The following KLHL29 variants were observed in gnomAD, a reference collection of about 807,000 sequenced individuals.
KLHL29 encodes the protein kelch like family member 29.
Under a neutral mutation model 80.4 loss-of-function variants are expected in KLHL29, and 21 were observed. The observed-to-expected ratio is 0.26, with a 90% CI of 0.19 to 0.38. The LOEUF (loss-of-function observed/expected upper bound fraction) is 0.38, where lower values mean the gene tolerates loss of function less well. Among genes scored for constraint, KLHL29 ranks in the 10% least tolerant of loss-of-function variants. The pLI, the probability that KLHL29 is intolerant of heterozygous loss-of-function variation, is 1.00. For synonymous variants in KLHL29, 511 were observed against 526.8 expected, an observed-to-expected ratio of 0.97 and a Z score of 0.41; for missense variants, 867 against 1,223.9, an observed-to-expected ratio of 0.71 and a Z score of 4.35.
In KLHL29 at chr2:23,696,981, C is replaced by T. The variant is rs1672000989; in HGVS notation, c.2105+468C>T. The T allele has an allele frequency of 6.2e-6, 1 of 162,204 alleles. No homozygotes were observed. The highest frequency in any genetic ancestry group is 1.7e-4 in the South Asian group (1 of 5,964). 10.0% of individuals were successfully genotyped at this position (162,204 alleles called of 1,614,324 possible). ...TTGTCCTGCCAAGCGGGGGGTCCCA[C>T]ACCAGGGAGCTCCCTTCCTCCCTCC... On this transcript the variant is annotated intron_variant, in intron 11 of 13. Transcript: ENST00000486442. The surrounding 1 kb of genome is among the most constrained non-coding windows in gnomAD (Gnocchi z 5.5).
At position 23,684,748 on chromosome 2, in the gene KLHL29, ACAGCTTTGCTGTCAC is replaced by A. The variant is rs199517066; in HGVS notation, c.1079+223_1079+237del. ...CTGCGCCCAGCACCCGCCCCCACCCACAGCTTTGCTGTCACCAGCTTTGCTGGTCACCAGGGGCCT... is the reference window on the plus strand; with the variant it reads ...CTGCGCCCAGCACCCGCCCCCACCCACAGCTTTGCTGGTCACCAGGGGCCT... On this transcript the variant is annotated intron_variant, in intron 6 of 13. Transcript: ENST00000486442. This position sits in a 1 kb window ranked among gnomAD's most constrained non-coding sequence, Gnocchi z 4.4. Among the ~76,000 whole-genome samples the A allele has an allele frequency of 0.025, 3,791 of 151,622 alleles. 94 individuals carry two copies. Among genetic ancestry groups the A allele is most frequent in the African/African-American group, 0.056 (2,297 of 41,246 alleles).
At chr2:23,659,130 C>G (rs1324577551) in intron 5 of KLHL29, among the ~76,000 whole-genome samples, 1 of 152,128 alleles carries the variant, frequency 6.6e-6, no homozygotes, top group East Asian at 1.9e-4. Flanking sequence ...TTTTCTAGGA[C>G]CCTTGCTGCC....
chr2:23,528,613 T>C (rs982738412), intron 2 of KLHL29, among the ~76,000 whole-genome samples: 1 of 152,196 alleles, frequency 6.6e-6, no homozygotes, highest in Non-Finnish European at 1.5e-5. Context: ...AAATTACAAT[T>C]GCTCCAAGTC....
Position 23,596,527 on chromosome 2 carries a change from G to A in KLHL29, c.285+34046G>A, listed in dbSNP as rs982775822. Among the ~76,000 whole-genome samples the A allele has an allele frequency of 6.6e-6, 1 of 152,180 alleles. No individual in the cohort carries two copies. The highest frequency in any genetic ancestry group is 1.5e-5 in the Non-Finnish European group (1 of 68,036). ...ATGCCACACTGTCCTTGCACACAAC[G>A]TGGCTTAAGTCTAAACAGAAAATAG... On this transcript the variant is annotated intron_variant, in intron 3 of 13. Coordinates refer to ENST00000486442, the MANE Select transcript of KLHL29 (RefSeq NM_052920.2). This position sits in a 1 kb window ranked among gnomAD's most constrained non-coding sequence, Gnocchi z 4.4.
intron 3 of KLHL29, among the ~76,000 whole-genome samples, chr2:23,634,517 G>A (rs1669557329): frequency 6.6e-6 from 1 of 152,134 alleles, no homozygotes; most frequent in Admixed American, 6.5e-5. Flanking sequence ...ACCCTCTTCT[G>A]ACATCCTTGG....
chr2:23,579,738 G>A (rs1201266660), intron 3 of KLHL29, among the ~76,000 whole-genome samples: 1 of 152,082 alleles, frequency 6.6e-6, no homozygotes, highest in Non-Finnish European at 1.5e-5. Flanking sequence ...TACTTGCCCT[G>A]AAGGAAAAGT....
At chr2:23,483,732 G>A (rs1664858319) in intron 2 of KLHL29, among the ~76,000 whole-genome samples, 1 of 152,130 alleles carries the variant, frequency 6.6e-6, no homozygotes, top group African/African-American at 2.4e-5. Context: ...GCCATTTATT[G>A]TACCAAGGAG....
chr2:23,509,322 G>A (rs1386328318), intron 2 of KLHL29, among the ~76,000 whole-genome samples: 3 of 152,222 alleles, frequency 2.0e-5, no homozygotes, highest in Non-Finnish European at 4.4e-5. Flanking sequence ...TGGGTGGGGT[G>A]ATGGGGCTGG....
intron 1 of KLHL29, among the ~76,000 whole-genome samples, chr2:23,447,382 A>G (rs879775779): frequency 6.6e-6 from 1 of 151,998 alleles, no homozygotes; most frequent in Non-Finnish European, 1.5e-5. Context: ...TTAGGCCCCC[A>G]TTTGCTTCAG....
chr2:23,604,766 C>T (rs1048168253), intron 3 of KLHL29, among the ~76,000 whole-genome samples: 2 of 152,222 alleles, frequency 1.3e-5, no homozygotes, highest in East Asian at 1.9e-4. Flanking sequence ...GACCCCTTCC[C>T]TGGAGGTGGT....
intron 3 of KLHL29, among the ~76,000 whole-genome samples, chr2:23,636,741 C>A (rs1267329966): frequency 2.0e-5 from 3 of 152,182 alleles, no homozygotes; most frequent in Non-Finnish European, 4.4e-5. Flanking sequence ...GCTTTGAAGC[C>A]AAGGGGCTGA....
intron 3 of KLHL29, among the ~76,000 whole-genome samples, chr2:23,628,788 C>T (rs1258142520): frequency 3.3e-5 from 5 of 152,248 alleles, no homozygotes; most frequent in Non-Finnish European, 2.9e-5. Flanking sequence ...TTTTCCTCAC[C>T]AGCTTCACTA....
chr2:23,412,129 G>A lies in KLHL29; in HGVS notation c.-154+26349G>A, dbSNP rs980473081. ...AAAAATGTGTGTGCGTGAAGGGGGG[G>A]GGGGGGCGGTGCGGTAGAGGTAGGA... On this transcript the variant is annotated intron_variant, in intron 1 of 13. Coordinates refer to ENST00000486442, the MANE Select transcript of KLHL29 (RefSeq NM_052920.2). 1.1e-4 allele frequency among the ~76,000 whole-genome samples: 16 copies of A among 146,316 alleles called. 1 individual carries two copies. The highest frequency in any genetic ancestry group is 4.0e-4 in the African/African-American group (16 of 39,604).
chr2:23,623,350 A>G (rs1669232157), intron 3 of KLHL29, among the ~76,000 whole-genome samples: 1 of 152,130 alleles, frequency 6.6e-6, no homozygotes, highest in African/African-American at 2.4e-5. Flanking sequence ...TGGCAGGAGG[A>G]CAGTCCGCTG....
intron 1 of KLHL29, among the ~76,000 whole-genome samples, chr2:23,395,668 C>G (rs1038950252): frequency 7.9e-5 from 12 of 151,842 alleles, no homozygotes; most frequent in African/African-American, 2.9e-4. Context: ...TCGCTTGAAC[C>G]AGGGAGGCAG....
At chr2:23,528,533 A>T (rs1249314381) in intron 2 of KLHL29, among the ~76,000 whole-genome samples, 1 of 152,188 alleles carries the variant, frequency 6.6e-6, no homozygotes, top group African/African-American at 2.4e-5. Flanking sequence ...GCTCCCTTGC[A>T]TGGACCCTGA....
At chr2:23,641,596 T>G (rs1194773987) in intron 4 of KLHL29, among the ~76,000 whole-genome samples, 1 of 152,224 alleles carries the variant, frequency 6.6e-6, no homozygotes, top group Non-Finnish European at 1.5e-5. Context: ...TTTGTTTTGT[T>G]TTGTTTCCAA....
At chr2:23,507,266 G>A in intron 2 of KLHL29, 1 of 213,842 alleles carries the variant, frequency 4.7e-6, no homozygotes. Context: ...TAAATAGCAG[G>A]GACTTGCAGA....
At chr2:23,588,225 A>G (rs1668166628) in intron 3 of KLHL29, among the ~76,000 whole-genome samples, 2 of 152,120 alleles carry the variant, frequency 1.3e-5, no homozygotes, top group Admixed American at 1.3e-4. Context: ...GAAGCTGAAC[A>G]TCGAGTGGGC....
Sources: allele counts gnomAD v4.1 joint callset (sites outside exome capture counted in the v4.1 genomes callset), GRCh38; gene constraint gnomAD v4.1.1; non-coding constraint Gnocchi (gnomAD v3.1); transcripts MANE v1.5; gene names NCBI Gene and HGNC (gene_info 2026-07-23, HGNC 2026-07-21).